Variants in ARHGEF10 observed in about 807,000 individuals in gnomAD.
ARHGEF10 encodes Rho guanine nucleotide exchange factor (GEF) 10.
Under a neutral mutation model 147.4 loss-of-function variants are expected in ARHGEF10, and 140 were observed. The observed-to-expected ratio is 0.95, with a 90% CI of 0.83 to 1.09. ARHGEF10 has a LOEUF of 1.09. Among genes scored for constraint, ARHGEF10 ranks in the 50% least tolerant of loss-of-function variants. ARHGEF10 has a pLI of 0.00. For synonymous variants in ARHGEF10, 902 were observed against 695.8 expected, an observed-to-expected ratio of 1.30 and a Z score of -4.67; for missense variants, 2,222 against 1,752.7, an observed-to-expected ratio of 1.27 and a Z score of -4.78.
At chr8:1,930,965 G>A (rs1240392671) in intron 25 of ARHGEF10, among the ~76,000 whole-genome samples, 4 of 152,152 alleles carry the variant, frequency 2.6e-5, no homozygotes, top group African/African-American at 4.8e-5. Context: ...TGGGTGCCCC[G>A]GCCTGGATTC....
At position 1,892,254 on chromosome 8, in the gene ARHGEF10, C is replaced by G. The variant is rs1296863729; in HGVS notation, c.1183-1315C>G. ...CCTGTGAATCAGTCAGTAGCAGCAGCTGCAGCTTCCCAGCTTCTGGCTCTG... is the reference window on the plus strand; with the variant it reads ...CCTGTGAATCAGTCAGTAGCAGCAGGTGCAGCTTCCCAGCTTCTGGCTCTG... On this transcript the variant is annotated intron_variant, in intron 11 of 28. Coordinates refer to ENST00000349830, the MANE Select transcript of ARHGEF10 (RefSeq NM_014629.4). Among the ~76,000 whole-genome samples, 4 of 146,978 alleles carry G rather than the reference C, an allele frequency of 2.7e-5. No individual in the cohort carries two copies. The East Asian group carries it at 8.0e-4, about 29-fold the overall frequency.
intron 1 of ARHGEF10, among the ~76,000 whole-genome samples, chr8:1,835,652 A>T (rs1803534733): frequency 6.6e-6 from 1 of 152,014 alleles, no homozygotes; most frequent in Admixed American, 6.6e-5. Context: ...GGCTCCCCTG[A>T]CCTCCTTTTG....
chr8:1,893,582 A>T lies in ARHGEF10; in HGVS notation c.1196A>T (p.Tyr399Phe). Reference protein sequence around the residue: ...GLSQQQVVRRYILGSVVDSEK... With the variant: ...GLSQQQVVRRFILGSVVDSEK... ...AATTTCCAACAGGTTGTAAGAAGAT[A>T]TATACTGGGTTCAGTTGTCGACAGT... The change falls in exon 12 of 29, where the codon TAT (tyrosine) becomes TTT (phenylalanine). Residue 399 changes from tyrosine (Y) to phenylalanine (F), a missense_variant. Coordinates refer to ENST00000349830, the MANE Select transcript of ARHGEF10 (RefSeq NM_014629.4). 2 of 1,613,328 alleles carry T rather than the reference A, an allele frequency of 1.2e-6. No homozygotes were observed. The highest frequency in any genetic ancestry group is 1.7e-6 in the Non-Finnish European group (2 of 1,179,356).
intron 11 of ARHGEF10, among the ~76,000 whole-genome samples, chr8:1,890,687 C>T (rs1179650820): frequency 1.3e-5 from 2 of 151,800 alleles, no homozygotes; most frequent in Admixed American, 6.6e-5. Context: ...TGTGAGGAGA[C>T]ACTGAGTGGG....
rs537031925 is a variant in ARHGEF10 at position 1,929,812 on chromosome 8, C to G, written c.3079+369C>G. ...GGGGCCTCCTGTACCTGGGCCAGCCCTCTTTGCCCCGGTGCTGTGCCCTCG... is the reference window on the plus strand; with the variant it reads ...GGGGCCTCCTGTACCTGGGCCAGCCGTCTTTGCCCCGGTGCTGTGCCCTCG... On this transcript the variant is annotated intron_variant, in intron 25 of 28. Coordinates refer to ENST00000349830, the MANE Select transcript of ARHGEF10 (RefSeq NM_014629.4). Among the ~76,000 whole-genome samples the G allele has an allele frequency of 3.1e-3, 477 of 152,320 alleles. 2 individuals are homozygous for G. Among genetic ancestry groups the G allele is most frequent in the South Asian group, 0.013 (64 of 4,826 alleles).
chr8:1,840,007 A>G (rs1304453016), intron 1 of ARHGEF10, among the ~76,000 whole-genome samples: 1 of 118,494 alleles, frequency 8.4e-6, no homozygotes, highest in Non-Finnish European at 1.7e-5. Context: ...TCTGGTGTGG[A>G]AGCTGTCCGA....
At chr8:1,927,090 G>C (rs1169521400) in intron 23 of ARHGEF10, 3 of 162,540 alleles carry the variant, frequency 1.8e-5, no homozygotes, top group Non-Finnish European at 2.7e-5. Context: ...CACATCCACA[G>C]CTCCTGCTTG....
rs532605324 is a variant in ARHGEF10, at chr8:1,952,266, G to A, written c.3398-439G>A. 1.8e-4 allele frequency among the ~76,000 whole-genome samples: 28 copies of A among 152,288 alleles called. No individual in the cohort carries two copies. The East Asian group carries it at 3.9e-3, about 21-fold the overall frequency. The stretch of plus-strand genomic sequence containing the variant: ...GGGCCGGTTACTCGAGTCCAGCCGC[G>A]CCCATTAAGAGACCTCTCCTCACTT... On this transcript the variant is annotated intron_variant, in intron 27 of 28. Transcript: ENST00000349830.
rs139880447 is a variant in ARHGEF10, at chr8:1,926,296, T to G, written c.2611-81T>G. 2,033 of 1,107,296 alleles carry G rather than the reference T, an allele frequency of 1.8e-3. 8 individuals carry two copies. Among genetic ancestry groups the G allele is most frequent in the African/African-American group, 0.011 (743 of 65,050 alleles). 68.6% of individuals were successfully genotyped at this position (1,107,296 alleles called of 1,614,324 possible). On this transcript the variant is annotated intron_variant, in intron 22 of 28. Coordinates refer to ENST00000349830, the MANE Select transcript of ARHGEF10 (RefSeq NM_014629.4). ...TCTGTGTTTATACATTGGAAGTAAG[T>G]CATCCATTTAAGACGTTATGTAGTC...
chr8:1,956,736 T>C lies in ARHGEF10; in HGVS notation c.3521-13T>C. 1 of 1,613,692 alleles carries C rather than the reference T, an allele frequency of 6.2e-7. No homozygotes were observed. The highest frequency in any genetic ancestry group is 8.5e-7 in the Non-Finnish European group (1 of 1,179,940). ...ATTTTAAAAGACAGCTGTTGAACTG[T>C]TTCCCTTTTCAGGAAGAGGCATGGT... is the stretch of plus-strand genomic sequence containing the variant. On this transcript the variant is annotated splice_polypyrimidine_tract_variant and intron_variant, in intron 28 of 28. Coordinates refer to ENST00000349830, the MANE Select transcript of ARHGEF10 (RefSeq NM_014629.4).
At chr8:1,889,606 GT>G (rs148912231) in intron 11 of ARHGEF10, among the ~76,000 whole-genome samples, 538 of 44,618 alleles carry the variant, frequency 0.012, 3 homozygotes, top group East Asian at 0.067. Context: ...GACACTGAGT[GT>G]GGGTGAGGGG....
In ARHGEF10 at chr8:1,858,012, G is replaced by C; in HGVS notation, c.90G>C (p.Gln30His). ...TNNNEEEEGEQFDFDSGDEIP... is the reference protein window; with the variant it reads ...TNNNEEEEGEHFDFDSGDEIP... ...ATAATGAAGAGGAAGAGGGAGAACA[G>C]TTCGATTTTGACAGTGGAGATGAAA... Residue 30 changes from glutamine (Q) to histidine (H), a missense_variant, in exon 3 of 29, where the codon CAG becomes CAC. Physicochemically the swap from Gln to His is conservative, Grantham distance 24 (BLOSUM62 0). Transcript: ENST00000349830. 1 of 1,614,150 alleles carries C rather than the reference G, an allele frequency of 6.2e-7. No individual in the cohort carries two copies. The highest frequency in any genetic ancestry group is 8.5e-7 in the Non-Finnish European group (1 of 1,180,016).
rs565838281 is a variant in ARHGEF10, at chr8:1,826,159, G to C, written c.-48+2046G>C. 5.7e-6 allele frequency: 9 copies of C among 1,582,042 alleles called. No homozygotes were observed. In the South Asian group the frequency reaches 1.0e-4, roughly 18 times the overall value. The stretch of plus-strand genomic sequence containing the variant: ...CAGTAAGAAAAGTCATTTGTATAAG[G>C]TGCTATTTGTAATTCATTAGTTGTA... On this transcript the variant is annotated intron_variant, in intron 1 of 28. Coordinates refer to ENST00000349830, the MANE Select transcript of ARHGEF10 (RefSeq NM_014629.4).
chr8:1,837,989 G>C (rs993028256), intron 1 of ARHGEF10, among the ~76,000 whole-genome samples: 11 of 152,158 alleles, frequency 7.2e-5, no homozygotes, highest in Admixed American at 1.3e-4. Flanking sequence ...CTCCCCTCAG[G>C]ACTGCAGAGT....
rs373405772 is a variant in ARHGEF10 at position 1,903,494 on chromosome 8, G to C, written c.1821+43G>C. On this transcript the variant is annotated intron_variant, in intron 16 of 28. Transcript: ENST00000349830. The stretch of plus-strand genomic sequence containing the variant: ...TCAACTCTATTCCAAAATTATTTTT[G>C]CTTTGTGCTAATAAGCTGTCGTTGT... The C allele has an allele frequency of 3.7e-6, 6 of 1,609,252 alleles. No individual in the cohort carries two copies. In the East Asian group the frequency reaches 6.7e-5, roughly 18 times the overall value.
chr8:1,864,083 G>T (rs1035172412), intron 4 of ARHGEF10, among the ~76,000 whole-genome samples: 7 of 152,084 alleles, frequency 4.6e-5, no homozygotes, highest in Admixed American at 1.3e-4. Flanking sequence ...CATGTGGAGT[G>T]GGAGAGAACA....
intron 25 of ARHGEF10, among the ~76,000 whole-genome samples, chr8:1,933,268 G>A (rs1162101926): frequency 1.3e-5 from 2 of 152,130 alleles, no homozygotes; most frequent in East Asian, 1.9e-4. Flanking sequence ...ATGTTAGAAC[G>A]GAAGCAGCTA....
intron 5 of ARHGEF10, among the ~76,000 whole-genome samples, chr8:1,865,045 A>C (rs1008361855): frequency 1.3e-5 from 2 of 152,270 alleles, no homozygotes; most frequent in Non-Finnish European, 2.9e-5. Context: ...AATGATCTTC[A>C]AAAGGATGAA....
chr8:1,880,771 C>T (rs1355005543), intron 9 of ARHGEF10, among the ~76,000 whole-genome samples: 2 of 152,162 alleles, frequency 1.3e-5, no homozygotes, highest in Non-Finnish European at 1.5e-5. Flanking sequence ...CTGTTTCCTG[C>T]AATTGGACCT....
Sources: gnomAD v4.1 joint callset for allele counts (sites outside exome capture counted in the v4.1 genomes callset) on GRCh38, gnomAD v4.1.1 for gene constraint, MANE v1.5 for transcripts, NCBI Gene and HGNC (gene_info 2026-07-23, HGNC 2026-07-21) for gene names.